Variants in ATP9B observed in about 807,000 individuals in gnomAD.
The protein encoded by ATP9B is probable phospholipid-transporting ATPase IIB.
In ATP9B, 110 loss-of-function variants were observed where a neutral mutation model predicts 146.1. That is an observed-to-expected ratio of 0.75 (90% CI 0.65 to 0.88). The LOEUF is 0.88. Ranked by LOEUF, ATP9B falls within the 40% of genes least tolerant of loss-of-function variation. ATP9B has a pLI of 0.00. For missense variants in ATP9B, 1,499 were observed against 1,496.4 expected (o/e 1.00, Z -0.03); for synonymous variants, 604 against 569.7 (o/e 1.06, Z -0.86).
intron 11 of ATP9B, among the ~76,000 whole-genome samples, chr18:79,232,129 T>C (rs2095798971): frequency 6.6e-6 from 1 of 152,128 alleles, no homozygotes; most frequent in Non-Finnish European, 1.5e-5. Context: ...TTACCAGGTC[T>C]GTCCCACCTG....
At chr18:79,359,773 A>G (rs978635928) in intron 26 of ATP9B, 1 of 312,960 alleles carries the variant, frequency 3.2e-6, no homozygotes, top group Non-Finnish European at 6.3e-6. Context: ...AAGTGAGCTC[A>G]CCAAATGTCA....
intron 26 of ATP9B, among the ~76,000 whole-genome samples, chr18:79,369,986 C>T (rs2097059727): frequency 6.6e-6 from 1 of 152,144 alleles, no homozygotes; most frequent in Non-Finnish European, 1.5e-5. Context: ...GTAATCCCAG[C>T]TACTCGGGAG....
intron 13 of ATP9B, among the ~76,000 whole-genome samples, chr18:79,287,385 G>C (rs2096455714): frequency 6.6e-6 from 1 of 152,200 alleles, no homozygotes; most frequent in African/African-American, 2.4e-5. Context: ...ATTTCTTCTA[G>C]ATTTTCTAGT....
intron 13 of ATP9B, among the ~76,000 whole-genome samples, chr18:79,295,791 A>T (rs546110056): frequency 1.3e-5 from 2 of 152,252 alleles, no homozygotes; most frequent in African/African-American, 4.8e-5. Flanking sequence ...TGGTTCCCTT[A>T]AAAGCAAGGT....
chr18:79,207,931 G>T (rs1166037931), intron 10 of ATP9B, among the ~76,000 whole-genome samples: 3 of 152,152 alleles, frequency 2.0e-5, no homozygotes, highest in Non-Finnish European at 4.4e-5. Context: ...TACAGAGAGT[G>T]CTGTGGACGG....
chr18:79,268,732 C>G (rs2096228003), intron 12 of ATP9B, among the ~76,000 whole-genome samples: 1 of 152,096 alleles, frequency 6.6e-6, no homozygotes, highest in South Asian at 2.1e-4. Context: ...TTGGTTTATC[C>G]ACGTTTCGGT....
At chr18:79,268,419 A>G (rs2096224761) in intron 12 of ATP9B, among the ~76,000 whole-genome samples, 1 of 152,090 alleles carries the variant, frequency 6.6e-6, no homozygotes, top group Admixed American at 6.5e-5. Flanking sequence ...TACCTGTTCA[A>G]TATTTTTCTC....
intron 11 of ATP9B, among the ~76,000 whole-genome samples, chr18:79,230,594 C>T (rs956824598): frequency 2.6e-5 from 4 of 152,290 alleles, no homozygotes; most frequent in Non-Finnish European, 5.9e-5. Flanking sequence ...AATGGAAACA[C>T]ATCCCATGCT....
chr18:79,256,764 G>A (rs1335761245), intron 12 of ATP9B, among the ~76,000 whole-genome samples: 1 of 152,056 alleles, frequency 6.6e-6, no homozygotes, highest in Non-Finnish European at 1.5e-5. Flanking sequence ...TCATTTTGCT[G>A]TCCTGTTTGG....
At chr18:79,091,760 C>T (rs572435177) in intron 1 of ATP9B, among the ~76,000 whole-genome samples, 1 of 152,288 alleles carries the variant, frequency 6.6e-6, no homozygotes, top group Admixed American at 6.5e-5. Context: ...TTTGGATTCC[C>T]CCTATATGTT....
intron 2 of ATP9B, among the ~76,000 whole-genome samples, chr18:79,097,312 C>CA (rs1238193537): frequency 6.6e-6 from 1 of 151,800 alleles, no homozygotes; most frequent in East Asian, 1.9e-4. Flanking sequence ...ATCTTTTACT[C>CA]AGATTCACCT....
chr18:79,205,940 C>CT (rs571170067), intron 9 of ATP9B, among the ~76,000 whole-genome samples: 159 of 144,656 alleles, frequency 1.1e-3, no homozygotes, highest in Non-Finnish European at 1.0e-3. Context: ...TAACAGCATA[C>CT]TTTTTTTTTT....
At chr18:79,333,338 C>T (rs894814338) in intron 17 of ATP9B, among the ~76,000 whole-genome samples, 3 of 152,212 alleles carry the variant, frequency 2.0e-5, no homozygotes, top group African/African-American at 2.4e-5. Flanking sequence ...CAAGGGCTGG[C>T]GGAGCCTTCC....
At chr18:79,171,744 A>T (rs2095074479) in intron 7 of ATP9B, among the ~76,000 whole-genome samples, 1 of 152,188 alleles carries the variant, frequency 6.6e-6, no homozygotes, top group Non-Finnish European at 1.5e-5. Context: ...ACACTAGCCC[A>T]GTGGGCTCAG....
chr18:79,302,421 C>G (rs1456852368), intron 13 of ATP9B, among the ~76,000 whole-genome samples: 1 of 149,884 alleles, frequency 6.7e-6, no homozygotes, highest in Non-Finnish European at 1.5e-5. Flanking sequence ...GTGAGAGCAC[C>G]ACGCGTGGCA....
chr18:79,150,019 T>G (rs1389414466), intron 6 of ATP9B, among the ~76,000 whole-genome samples: 1 of 152,110 alleles, frequency 6.6e-6, no homozygotes, highest in Non-Finnish European at 1.5e-5. Flanking sequence ...AGGCAGAGGT[T>G]GCAGTGAGCC....
chr18:79,263,737 C>T (rs1185164304), intron 12 of ATP9B, among the ~76,000 whole-genome samples: 1 of 152,168 alleles, frequency 6.6e-6, no homozygotes, highest in Non-Finnish European at 1.5e-5. Flanking sequence ...AGCAGCAGTG[C>T]TGCTATTAAC....
At chr18:79,372,558 G>T (rs564003171) in intron 26 of ATP9B, 27 of 612,660 alleles carry the variant, frequency 4.4e-5, no homozygotes, top group African/African-American at 7.2e-5. Flanking sequence ...TGGCTTAGTA[G>T]AGCCAACAAG....
At chr18:79,210,342 C>A (rs537309231) in intron 10 of ATP9B, among the ~76,000 whole-genome samples, 3 of 152,308 alleles carry the variant, frequency 2.0e-5, no homozygotes, top group African/African-American at 7.2e-5. Flanking sequence ...AGAGGGCAAT[C>A]CCTGGCCATG....
Sources: gnomAD v4.1 joint callset for allele counts (sites outside exome capture counted in the v4.1 genomes callset) on GRCh38, gnomAD v4.1.1 for gene constraint, MANE v1.5 for transcripts, NCBI Gene and HGNC (gene_info 2026-07-23, HGNC 2026-07-21) for gene names.